The following USH2A variants were observed in gnomAD, a reference collection of about 807,000 sequenced individuals.
USH2A encodes usherin, also known as Usher syndrome 2A (autosomal recessive, mild).
Under a neutral mutation model 538.9 loss-of-function variants are expected in USH2A, and 443 were observed. The observed-to-expected ratio is 0.82, with a 90% CI of 0.76 to 0.89. The LOEUF (loss-of-function observed/expected upper bound fraction) is 0.89, where lower values mean the gene tolerates loss of function less well. Ranked by LOEUF, USH2A falls within the 40% of genes least tolerant of loss-of-function variation. The pLI is 0.00. For missense variants in USH2A, 6,633 were observed against 6,324.8 expected (o/e 1.05, Z -1.65); for synonymous variants, 2,413 against 2,273.5 (o/e 1.06, Z -1.75).
chr1:216,178,213 T>C lies in USH2A; in HGVS notation c.4397-2731A>G, dbSNP rs367676091. ...AAAGTTCATCAAGTTAGAAGGATAA[T>C]TAACAATTCTGGTTATTTTCTGCCA... On this transcript the variant is annotated intron_variant, in intron 20 of 71. Transcript: ENST00000307340. 5.1e-4 allele frequency among the ~76,000 whole-genome samples: 77 copies of C among 152,314 alleles called. 2 individuals are homozygous for C. The South Asian group carries it at 0.014, about 28-fold the overall frequency.
intron 37 of USH2A, among the ~76,000 whole-genome samples, chr1:215,953,755 C>T (rs1018505074): frequency 2.0e-5 from 3 of 151,898 alleles, no homozygotes; most frequent in African/African-American, 7.3e-5. Flanking sequence ...GCAAAAGAAA[C>T]TACCATCAGA....
chr1:215,626,192 T>C (rs942960051), intron 71 of USH2A, among the ~76,000 whole-genome samples: 1 of 150,922 alleles, frequency 6.6e-6, no homozygotes, highest in African/African-American at 2.4e-5. Flanking sequence ...ACATATATAC[T>C]TGATAAAAAT....
At chr1:216,173,790 G>C (rs1323207032) in intron 21 of USH2A, among the ~76,000 whole-genome samples, 1 of 152,118 alleles carries the variant, frequency 6.6e-6, no homozygotes, top group Non-Finnish European at 1.5e-5. Flanking sequence ...CATCCTTGCA[G>C]CAGCTATGCC....
In USH2A at chr1:216,048,566, G is replaced by T. The variant is rs1209837469; in HGVS notation, c.6131C>A (p.Ser2044Ter). The T allele has an allele frequency of 1.9e-6, 3 of 1,614,058 alleles. No homozygotes were observed. The highest frequency in any genetic ancestry group is 2.5e-6 in the Non-Finnish European group (3 of 1,179,964). The change falls in exon 31 of 72, where the codon TCA (serine) becomes TAA (stop). Residue 2044 changes from serine to a stop codon, truncating the protein, a stop_gained. Transcript: ENST00000307340. LOFTEE classifies it high-confidence loss of function. ...ACTLAGCTES[S>*]HALNISTPQE... ...TGGAGTAGAGATGTTCAATGCATGT[G>T]AGCTCTCAGTACAGCCAGCCAAAGT...
chr1:216,104,832 A>C (rs535088066), intron 21 of USH2A, among the ~76,000 whole-genome samples: 1 of 152,328 alleles, frequency 6.6e-6, no homozygotes, highest in East Asian at 1.9e-4. Context: ...GGATCTAATT[A>C]AACTAAAGAG....
intron 9 of USH2A, among the ~76,000 whole-genome samples, chr1:216,299,739 AT>A (rs1325719432): frequency 2.0e-5 from 3 of 152,158 alleles, no homozygotes; most frequent in African/African-American, 7.2e-5. Flanking sequence ...TGCAGAAAAA[AT>A]GATTCTCTTT....
chr1:215,650,880 A>G (rs1398653708), intron 64 of USH2A, 79 bp from the exon 65 acceptor site: 1 of 1,544,316 alleles, frequency 6.5e-7, no homozygotes, highest in Non-Finnish European at 8.8e-7. Context: ...GAAAGGAAAA[A>G]AAACGAAATT....
At chr1:215,875,888 A>T (rs1161170264) in intron 43 of USH2A, among the ~76,000 whole-genome samples, 1 of 143,984 alleles carries the variant, frequency 6.9e-6, no homozygotes, top group East Asian at 2.1e-4. Context: ...ATTATTAATT[A>T]TATATAATAA....
intron 21 of USH2A, among the ~76,000 whole-genome samples, chr1:216,138,239 C>T (rs1176276695): frequency 6.6e-6 from 1 of 152,108 alleles, no homozygotes; most frequent in African/African-American, 2.4e-5. Flanking sequence ...CACAGCAGGC[C>T]TCTTAACAAA....
At chr1:215,698,142 G>A (rs1351037309) in intron 61 of USH2A, among the ~76,000 whole-genome samples, 1 of 152,136 alleles carries the variant, frequency 6.6e-6, no homozygotes, top group East Asian at 1.9e-4. Flanking sequence ...CCATGTCCCT[G>A]CAGAGGACAT....
intron 32 of USH2A, among the ~76,000 whole-genome samples, chr1:216,005,570 A>AT (rs946964924): frequency 3.0e-4 from 46 of 151,216 alleles, no homozygotes; most frequent in Middle Eastern, 3.4e-3. Context: ...CCAGGCTGCC[A>AT]TTTTTTTTTC....
Position 215,836,535 on chromosome 1 carries a change from TA to T in USH2A, c.9371+1455del, listed in dbSNP as rs1663526013. 1.7e-4 allele frequency among the ~76,000 whole-genome samples: 4 copies of T among 24,242 alleles called. 1 individual carries two copies. Among genetic ancestry groups the T allele is most frequent in the Non-Finnish European group, 2.8e-4 (4 of 14,364 alleles). 15.9% of individuals were successfully genotyped at this position (24,242 alleles called of 152,430 possible). A position where few individuals can be genotyped will look rare whatever the true frequency, so the allele number is the denominator to read the frequency against. On this transcript the variant is annotated intron_variant, in intron 47 of 71. Transcript: ENST00000307340. Reference sequence around the variant, plus strand: ...ATATATATAATATATATTATATATATATATATAATATATATATATATATATA... The same window carrying T: ...ATATATATAATATATATTATATATATTATATAATATATATATATATATATA...
At chr1:215,860,743 T>C (rs907177756) in intron 44 of USH2A, among the ~76,000 whole-genome samples, 14 of 152,346 alleles carry the variant, frequency 9.2e-5, no homozygotes, top group Admixed American at 7.8e-4. Flanking sequence ...TCAGATCAAT[T>C]ATAGTAAATC....
chr1:216,166,666 C>T lies in USH2A; in HGVS notation c.4627+8586G>A, dbSNP rs114885860. Among the ~76,000 whole-genome samples, 333 of 152,010 alleles carry T rather than the reference C, an allele frequency of 2.2e-3. 1 individual carries two copies. Among genetic ancestry groups the T allele is most frequent in the African/African-American group, 7.8e-3 (323 of 41,464 alleles). ...AGGAAATGAGTGAATAGTTCAAGTG[C>T]CAATTCAAGGAGAGTTCCAAGGTTT... is the stretch of plus-strand genomic sequence containing the variant. On this transcript the variant is annotated intron_variant, in intron 21 of 71. Transcript: ENST00000307340.
intron 32 of USH2A, among the ~76,000 whole-genome samples, chr1:216,022,029 CCT>C (rs147080639): frequency 4.6e-5 from 7 of 151,154 alleles, no homozygotes; most frequent in Admixed American, 1.3e-4. Context: ...GACACTTCCT[CCT>C]CTCTCTCTCT....
At chr1:216,122,414 C>G (rs1811901) in intron 21 of USH2A, among the ~76,000 whole-genome samples, 53,546 of 152,040 alleles carry the variant, frequency 0.35, 10,371 homozygotes, top group East Asian at 0.73. Context: ...GAAGGCCAGA[C>G]AAGCCAGCAT....
At chr1:216,174,434 ATTGCGG>A (rs914845908) in intron 21 of USH2A, 1 of 985,394 alleles carries the variant, frequency 1.0e-6, no homozygotes, top group Non-Finnish European at 1.2e-6. Flanking sequence ...CTTCCAAAAT[ATTGCGG>A]TACTAGTAAG....
chr1:216,188,534 A>G (rs1008888540), intron 20 of USH2A, among the ~76,000 whole-genome samples: 1 of 151,922 alleles, frequency 6.6e-6, no homozygotes, highest in African/African-American at 2.4e-5. Flanking sequence ...TGGAAGGATG[A>G]TAAATTAGGT....
rs111629537 is a variant in USH2A at position 215,932,887 on chromosome 1, C to T, written c.7300+1729G>A. Among the ~76,000 whole-genome samples the T allele has an allele frequency of 1.8e-3, 273 of 152,058 alleles. 5 individuals carry two copies. The highest frequency in any genetic ancestry group is 5.1e-3 in the African/African-American group (212 of 41,522). On this transcript the variant is annotated intron_variant, in intron 38 of 71. Transcript: ENST00000307340. The stretch of plus-strand genomic sequence containing the variant: ...TTCTTTCTATTTGTATAATATTAAC[C>T]CTTTTACTGACAGGTATATTCACAT...
Sources: gnomAD v4.1 joint callset for allele counts (sites outside exome capture counted in the v4.1 genomes callset) on GRCh38, gnomAD v4.1.1 for gene constraint, MANE v1.5 for transcripts, NCBI Gene and HGNC (gene_info 2026-07-23, HGNC 2026-07-21) for gene names.